KCNC2: variants seen among roughly 807,000 people sequenced by gnomAD.
KCNC2 encodes voltage-gated potassium channel KCNC2.
In KCNC2, 21 loss-of-function variants were observed where a neutral mutation model predicts 44.5. The ratio of observed to expected loss-of-function variants is 0.47; its 90% CI spans 0.33 to 0.68. The LOEUF (loss-of-function observed/expected upper bound fraction) is 0.68. Ranked by LOEUF, KCNC2 falls within the 30% of genes least tolerant of loss-of-function variation. The probability of loss-of-function intolerance (pLI) is 0.01; values close to 1 mark genes in which losing one functional copy is unlikely to be tolerated. For missense variants in KCNC2, 589 were observed against 826.2 expected (o/e 0.71, Z 3.52); for synonymous variants, 391 against 339.1 (o/e 1.15, Z -1.68).
chr12:75,066,926 G>A (rs1882887407), intron 2 of KCNC2, among the ~76,000 whole-genome samples: 3 of 152,064 alleles, frequency 2.0e-5, no homozygotes, highest in Admixed American at 2.0e-4. Context: ...AGCTTAGGTG[G>A]GCATGGTGGC....
rs1879872015 is a variant in KCNC2, at chr12:75,041,264, G to A, written c.*1841C>T. On this transcript the variant is annotated 3_prime_UTR_variant, in exon 5 of 5. Coordinates refer to ENST00000549446, the MANE Select transcript of KCNC2 (RefSeq NM_139137.4). ...ATTAATTCTTTTACCATAAATTTGT[G>A]TGTAATTATAATGTTCTATGTGTGG... 1 of 1,576,412 alleles carries A rather than the reference G, an allele frequency of 6.3e-7. No individual in the cohort carries two copies. Among genetic ancestry groups the A allele is most frequent in the East Asian group, 2.3e-5 (1 of 43,948 alleles).
At position 75,207,701 on chromosome 12, in the gene KCNC2, G is replaced by A. The variant is rs200309151; in HGVS notation, c.283C>T (p.His95Tyr). 6.3e-7 allele frequency: 1 copy of A among 1,591,126 alleles called. No individual in the cohort carries two copies. Among genetic ancestry groups the A allele is most frequent in the Non-Finnish European group, 8.5e-7 (1 of 1,169,640 alleles). ...CSSRGGRASD[H>Y]PGGGREFFFD... Reference sequence around the variant, plus strand: ...AAGAACTCGCGGCCGCCACCGGGATGGTCGCTGGCCCTGCCGCCGCGGGAA... The same window carrying A: ...AAGAACTCGCGGCCGCCACCGGGATAGTCGCTGGCCCTGCCGCCGCGGGAA... Residue 95 changes from histidine (H) to tyrosine (Y), a missense_variant, in exon 2 of 5, where the codon CAT becomes TAT. Coordinates refer to ENST00000549446, the MANE Select transcript of KCNC2 (RefSeq NM_139137.4). This position sits in a 1 kb window ranked among gnomAD's most constrained non-coding sequence, Gnocchi z 4.1.
At chr12:75,095,580 A>G (rs1885855303) in intron 2 of KCNC2, among the ~76,000 whole-genome samples, 1 of 151,756 alleles carries the variant, frequency 6.6e-6, no homozygotes, top group African/African-American at 2.4e-5. Context: ...TTATTTTACT[A>G]CAGAAAATAA....
intron 2 of KCNC2, among the ~76,000 whole-genome samples, chr12:75,081,105 A>G (rs1433271551): frequency 1.6e-4 from 24 of 152,042 alleles, no homozygotes; most frequent in Admixed American, 1.5e-3. Flanking sequence ...AACGCTATAC[A>G]CTAACTATAT....
chr12:75,100,008 T>TGGAG (rs151103996), intron 2 of KCNC2, among the ~76,000 whole-genome samples: 35 of 152,070 alleles, frequency 2.3e-4, no homozygotes, highest in African/African-American at 2.6e-4. Flanking sequence ...GAAAATGTTT[T>TGGAG]AGAGAAGGCT....
At chr12:75,063,446 C>G (rs112996581) in intron 2 of KCNC2, among the ~76,000 whole-genome samples, 7 of 151,972 alleles carry the variant, frequency 4.6e-5, no homozygotes, top group African/African-American at 1.7e-4. Flanking sequence ...ATTCAAATGC[C>G]AAATTATTAG....
chr12:75,055,254 C>A (rs183978521), intron 2 of KCNC2, among the ~76,000 whole-genome samples: 22 of 151,906 alleles, frequency 1.4e-4, no homozygotes, highest in African/African-American at 4.1e-4. Context: ...AGACCACATT[C>A]CAGTGGGAAT....
At chr12:75,190,034 T>A (rs755226664) in intron 2 of KCNC2, among the ~76,000 whole-genome samples, 1 of 152,192 alleles carries the variant, frequency 6.6e-6, no homozygotes, top group Non-Finnish European at 1.5e-5. Flanking sequence ...ATAGCTATGA[T>A]TTATAGAATG....
intron 2 of KCNC2, among the ~76,000 whole-genome samples, chr12:75,179,060 T>C (rs1892383382): frequency 6.6e-6 from 1 of 151,824 alleles, no homozygotes; most frequent in African/African-American, 2.4e-5. Flanking sequence ...AGAAACATAC[T>C]AAAAGAAAAA....
Position 75,071,010 on chromosome 12 carries a change from T to C in KCNC2, c.688-19693A>G, listed in dbSNP as rs114089237. ...TTTTTTATTTTTATTTTTCTCATTATTTTCATGTACCTATTACTTTTTTTG... is the reference window on the plus strand; with the variant it reads ...TTTTTTATTTTTATTTTTCTCATTACTTTCATGTACCTATTACTTTTTTTG... On this transcript the variant is annotated intron_variant, in intron 2 of 4. Coordinates refer to ENST00000549446, the MANE Select transcript of KCNC2 (RefSeq NM_139137.4). 5.4e-3 allele frequency among the ~76,000 whole-genome samples: 826 copies of C among 152,344 alleles called. 5 individuals carry two copies. The highest frequency in any genetic ancestry group is 0.019 in the African/African-American group (774 of 41,588).
chr12:75,192,682 A>T (rs1032824858), intron 2 of KCNC2, among the ~76,000 whole-genome samples: 2 of 152,188 alleles, frequency 1.3e-5, no homozygotes, highest in African/African-American at 4.8e-5. Context: ...TTTGGGGATC[A>T]GAATAAATTA....
At chr12:75,147,925 T>C (rs565354173) in intron 2 of KCNC2, among the ~76,000 whole-genome samples, 1 of 152,116 alleles carries the variant, frequency 6.6e-6, no homozygotes, top group Non-Finnish European at 1.5e-5. Flanking sequence ...AGTATTATAG[T>C]CCAAACTACA....
chr12:75,106,827 A>G (rs1445215882), intron 2 of KCNC2, among the ~76,000 whole-genome samples: 1 of 152,198 alleles, frequency 6.6e-6, no homozygotes, highest in South Asian at 2.1e-4. Flanking sequence ...GCAATGGCAC[A>G]ATTTATATAT....
chr12:75,190,166 G>T (rs1278131467), intron 2 of KCNC2, among the ~76,000 whole-genome samples: 2 of 152,052 alleles, frequency 1.3e-5, no homozygotes, highest in African/African-American at 4.8e-5. Flanking sequence ...ATTATCCATG[G>T]TTATACAACT....
At chr12:75,105,854 A>G (rs1348769420) in intron 2 of KCNC2, among the ~76,000 whole-genome samples, 1 of 152,092 alleles carries the variant, frequency 6.6e-6, no homozygotes. Flanking sequence ...AAAGTTGAAT[A>G]TAAGAATCTA....
chr12:75,058,393 A>G (rs1881969054), intron 2 of KCNC2, among the ~76,000 whole-genome samples: 1 of 152,038 alleles, frequency 6.6e-6, no homozygotes, highest in Admixed American at 6.6e-5. Flanking sequence ...TATGATATGA[A>G]CTGCTCTACC....
At chr12:75,192,423 T>C (rs977244553) in intron 2 of KCNC2, among the ~76,000 whole-genome samples, 2 of 152,218 alleles carry the variant, frequency 1.3e-5, no homozygotes, top group African/African-American at 4.8e-5. Context: ...TACACTAATA[T>C]GTAAATATTG....
chr12:75,169,711 T>G (rs1891686900), intron 2 of KCNC2, among the ~76,000 whole-genome samples: 2 of 151,630 alleles, frequency 1.3e-5, no homozygotes, highest in East Asian at 3.9e-4. Flanking sequence ...TCTTTTTTCT[T>G]AGAGAAATTT....
At chr12:75,077,720 A>G (rs1884125614) in intron 2 of KCNC2, among the ~76,000 whole-genome samples, 2 of 152,290 alleles carry the variant, frequency 1.3e-5, no homozygotes, top group East Asian at 3.9e-4. Context: ...TCAGTGAGTA[A>G]TGTCCTTTGT....
Sources: gnomAD v4.1 joint callset for allele counts (sites outside exome capture counted in the v4.1 genomes callset) on GRCh38, gnomAD v4.1.1 for gene constraint, Gnocchi (gnomAD v3.1) non-coding constraint, MANE v1.5 for transcripts, NCBI Gene and HGNC (gene_info 2026-07-23, HGNC 2026-07-21) for gene names.